Variants in ESR1 observed in about 807,000 individuals in gnomAD.
The protein encoded by ESR1 is estrogen receptor.
A neutral mutation model predicts 52.7 loss-of-function variants in ESR1; 12 were observed. The ratio of observed to expected loss-of-function variants is 0.23; its 90% confidence interval spans 0.15 to 0.37. ESR1 has a LOEUF of 0.37. ESR1 is among the 10% of genes least tolerant of loss of function. The pLI, the probability that ESR1 is intolerant of heterozygous loss-of-function variation, is 1.00. For missense variants in ESR1, 584 were observed against 779.7 expected (o/e 0.75, Z 2.99); for synonymous variants, 305 against 316.8 (o/e 0.96, Z 0.39).
chr6:152,025,704 C>T (rs2044089331), intron 5 of ESR1, among the ~76,000 whole-genome samples: 1 of 151,706 alleles, frequency 6.6e-6, no homozygotes, highest in Admixed American at 6.6e-5. Flanking sequence ...TTTATTAGTT[C>T]TACTAGTTTT....
intron 2 of ESR1, among the ~76,000 whole-genome samples, chr6:151,744,669 T>C (rs1296273165): frequency 6.6e-6 from 1 of 152,220 alleles, no homozygotes; most frequent in Non-Finnish European, 1.5e-5. Context: ...GTGAATCTTT[T>C]CACTTTCTTG....
At chr6:152,106,766 T>G (rs1428726779), downstream of ESR1, among the ~76,000 whole-genome samples, 2 of 152,154 alleles carry the variant, frequency 1.3e-5, no homozygotes, top group East Asian at 3.8e-4. Flanking sequence ...TTTTGTTTGT[T>G]TGCTTATTTA....
chr6:151,827,350 A>AG (rs1156958864), intron 1 of ESR1, among the ~76,000 whole-genome samples: 1 of 151,282 alleles, frequency 6.6e-6, no homozygotes, highest in Non-Finnish European at 1.5e-5. Flanking sequence ...GTCTCAAAAA[A>AG]AAAAAAAAAG....
intron 6 of ESR1, among the ~76,000 whole-genome samples, chr6:152,065,739 T>A (rs2047915540): frequency 6.6e-6 from 1 of 152,170 alleles, no homozygotes; most frequent in Non-Finnish European, 1.5e-5. Context: ...CCGGATGCCT[T>A]CTGTGTGCTG....
intron 2 of ESR1, among the ~76,000 whole-genome samples, chr6:151,745,302 T>G (rs1382986517): frequency 6.6e-6 from 1 of 152,140 alleles, no homozygotes; most frequent in Non-Finnish European, 1.5e-5. Flanking sequence ...AGTGAGACAT[T>G]TGGCCTGGAT....
intron 5 of ESR1, among the ~76,000 whole-genome samples, chr6:152,034,492 T>C (rs2045090845): frequency 6.6e-6 from 1 of 151,434 alleles, no homozygotes; most frequent in Non-Finnish European, 1.5e-5. Flanking sequence ...AGAGTTTGTC[T>C]GCTGTGTGTC....
In ESR1 at chr6:152,061,244, C is replaced by T; in HGVS notation, c.1369+120C>T. 1.0e-6 allele frequency: 1 copy of T among 999,090 alleles called. No individual in the cohort carries two copies. The highest frequency in any genetic ancestry group is 1.3e-5 in the South Asian group (1 of 75,284). 61.9% of individuals were successfully genotyped at this position (999,090 alleles called of 1,614,324 possible). A position where few individuals can be genotyped will look rare whatever the true frequency, so the allele number is the denominator to read the frequency against. ...CATAAATAGAAAGAAACTACTGACA[C>T]ACGTTTTAAAATAACCTACCAACAT... On this transcript the variant is annotated intron_variant, in intron 6 of 7. Transcript: ENST00000206249. This position sits in a 1 kb window ranked among gnomAD's most constrained non-coding sequence, Gnocchi z 4.3.
At chr6:151,958,706 A>G (rs2037287514) in intron 4 of ESR1, among the ~76,000 whole-genome samples, 1 of 152,174 alleles carries the variant, frequency 6.6e-6, no homozygotes, top group South Asian at 2.1e-4. Context: ...ATTTACCTCT[A>G]AGAACAGTTC....
intron 5 of ESR1, among the ~76,000 whole-genome samples, chr6:152,039,426 C>A (rs2045600486): frequency 6.6e-6 from 1 of 151,794 alleles, no homozygotes; most frequent in Non-Finnish European, 1.5e-5. Context: ...ACACTAACTC[C>A]TTTCTTAGCC....
At chr6:151,898,733 C>T (rs1271611483) in intron 3 of ESR1, among the ~76,000 whole-genome samples, 3 of 152,190 alleles carry the variant, frequency 2.0e-5, no homozygotes, top group Admixed American at 6.5e-5. Flanking sequence ...CACAGATCAA[C>T]AGGATCCCAA....
chr6:151,736,563 T>C (rs1782692500), intron 2 of ESR1, among the ~76,000 whole-genome samples: 1 of 151,976 alleles, frequency 6.6e-6, no homozygotes, highest in Non-Finnish European at 1.5e-5. Flanking sequence ...TAGTCTCTAC[T>C]AAACAGGGTT....
At chr6:151,813,584 C>G (rs552277736) in intron 1 of ESR1, 1 of 152,154 alleles carries the variant, frequency 6.6e-6, no homozygotes, top group South Asian at 2.1e-4. Flanking sequence ...ATATTAGAAA[C>G]TTATTAAGTA....
Position 151,719,433 on chromosome 6 carries a change from G to A in ESR1, c.-71+17428G>A, listed in dbSNP as rs186881096. Among the ~76,000 whole-genome samples, 295 of 152,178 alleles carry A rather than the reference G, an allele frequency of 1.9e-3. 2 individuals carry two copies. Among genetic ancestry groups the A allele is most frequent in the African/African-American group, 6.8e-3 (284 of 41,532 alleles). On this transcript the variant is annotated intron_variant, in intron 2 of 2. Coordinates refer to the ESR1 transcript ENST00000404742. Reference sequence around the variant, plus strand: ...AAGGACATGAGGAAGTGAGACAGTCGCTATCCAGGGAAGGAATTTCCAGGC... The same window carrying A: ...AAGGACATGAGGAAGTGAGACAGTCACTATCCAGGGAAGGAATTTCCAGGC...
At chr6:152,111,988 C>T (rs1228951240) in intron 6 of ESR1, among the ~76,000 whole-genome samples, 4 of 152,356 alleles carry the variant, frequency 2.6e-5, no homozygotes, top group Admixed American at 6.5e-5. Flanking sequence ...ACAATCCCTA[C>T]AATCTAATCC....
At chr6:152,105,077 G>C (rs954911051), downstream of ESR1, among the ~76,000 whole-genome samples, 3 of 152,148 alleles carry the variant, frequency 2.0e-5, no homozygotes, top group Non-Finnish European at 4.4e-5. Flanking sequence ...GAGGCTCTTC[G>C]CACCTTCCCC....
intron 5 of ESR1, among the ~76,000 whole-genome samples, chr6:152,047,668 C>A (rs576339709): frequency 1.3e-4 from 20 of 152,232 alleles, no homozygotes; most frequent in African/African-American, 4.8e-4. Context: ...TCCATGAATA[C>A]CTGAAAGCCC....
chr6:152,034,737 A>C (rs1043169623), intron 5 of ESR1, among the ~76,000 whole-genome samples: 1 of 152,228 alleles, frequency 6.6e-6, no homozygotes, highest in Non-Finnish European at 1.5e-5. Context: ...AGTGCCACAA[A>C]GAGCCGAATT....
intron 2 of ESR1, among the ~76,000 whole-genome samples, chr6:151,870,341 T>G (rs1790725286): frequency 6.6e-6 from 1 of 152,176 alleles, no homozygotes; most frequent in Non-Finnish European, 1.5e-5. Flanking sequence ...AATCATGGGT[T>G]CTGGAAATAG....
chr6:151,898,664 C>T (rs1319744156), intron 3 of ESR1, among the ~76,000 whole-genome samples: 1 of 152,112 alleles, frequency 6.6e-6, no homozygotes, highest in African/African-American at 2.4e-5. Context: ...GCCCTTAATC[C>T]ATTCAACCCT....
Sources: allele counts gnomAD v4.1 joint callset (sites outside exome capture counted in the v4.1 genomes callset), GRCh38; gene constraint gnomAD v4.1.1; non-coding constraint Gnocchi (gnomAD v3.1); transcripts MANE v1.5; gene names NCBI Gene and HGNC (gene_info 2026-07-23, HGNC 2026-07-21).